LUZP2: variants seen among roughly 807,000 people sequenced by gnomAD.
The protein encoded by LUZP2 is leucine zipper protein 2.
In LUZP2, 52 loss-of-function variants were observed where a neutral mutation model predicts 51.6. That is an observed-to-expected ratio of 1.01 (90% CI 0.81 to 1.27). The LOEUF (loss-of-function observed/expected upper bound fraction) is 1.27, where lower values mean the gene tolerates loss of function less well. Among genes scored for constraint, LUZP2 ranks in the 50% most tolerant of loss-of-function variants. The probability of loss-of-function intolerance (pLI) is 0.00; values close to 1 mark genes in which losing one functional copy is unlikely to be tolerated. For missense variants in LUZP2, 436 were observed against 395.4 expected, an observed-to-expected ratio of 1.10 and a Z score of -0.87; for synonymous variants, 154 against 137.3, an observed-to-expected ratio of 1.12 and a Z score of -0.85.
chr11:24,840,160 G>A (rs59377378), intron 5 of LUZP2, among the ~76,000 whole-genome samples: 2 of 151,732 alleles, frequency 1.3e-5, no homozygotes, highest in African/African-American at 4.8e-5. Context: ...TCTGTAGACT[G>A]TATGCTTACT....
intron 1 of LUZP2, among the ~76,000 whole-genome samples, chr11:24,531,163 G>A (rs1412017415): frequency 2.0e-5 from 3 of 150,110 alleles, no homozygotes; most frequent in East Asian, 3.9e-4. Flanking sequence ...AAAATGAAGG[G>A]CAACATTCAC....
At chr11:24,621,568 TTC>T (rs1396547038) in intron 1 of LUZP2, among the ~76,000 whole-genome samples, 1 of 152,218 alleles carries the variant, frequency 6.6e-6, no homozygotes, top group Non-Finnish European at 1.5e-5. Context: ...AATTCCTAAA[TTC>T]TCTCTGTCAT....
At chr11:25,003,462 G>T (rs1856750542) in intron 9 of LUZP2, among the ~76,000 whole-genome samples, 1 of 152,084 alleles carries the variant, frequency 6.6e-6, no homozygotes, top group Non-Finnish European at 1.5e-5. Context: ...TATAGGGGTG[G>T]GTATAACTGG....
chr11:24,819,103 G>C (rs887481091), intron 5 of LUZP2, among the ~76,000 whole-genome samples: 1 of 151,996 alleles, frequency 6.6e-6, no homozygotes, highest in Non-Finnish European at 1.5e-5. Flanking sequence ...AGGAGTTGGC[G>C]ACTCTGAGAA....
At chr11:24,751,080 CTCA>C (rs2134008685) in intron 4 of LUZP2, among the ~76,000 whole-genome samples, 1 of 152,164 alleles carries the variant, frequency 6.6e-6, no homozygotes, top group South Asian at 2.1e-4. Context: ...TTCTTTTTGA[CTCA>C]TCATCATCAG....
In LUZP2 at chr11:24,581,907, C is replaced by T. The variant is rs139941322; in HGVS notation, c.62+84602C>T. 1.4e-4 allele frequency among the ~76,000 whole-genome samples: 21 copies of T among 152,132 alleles called. No homozygotes were observed. The East Asian group carries it at 3.9e-3, about 28-fold the overall frequency. The stretch of plus-strand genomic sequence containing the variant: ...TCACGTTCCCTGATAGTCATCAGGT[C>T]ACTGATGGAGCAAATACTTGGGCTT... On this transcript the variant is annotated intron_variant, in intron 1 of 11. Coordinates refer to ENST00000336930, the MANE Select transcript of LUZP2 (RefSeq NM_001009909.4).
At chr11:24,802,651 C>G (rs1241211413) in intron 5 of LUZP2, among the ~76,000 whole-genome samples, 1 of 151,856 alleles carries the variant, frequency 6.6e-6, no homozygotes, top group Non-Finnish European at 1.5e-5. Context: ...CAGTTACTCC[C>G]CATTCCCCAT....
chr11:24,866,447 G>C (rs962184082), intron 5 of LUZP2, among the ~76,000 whole-genome samples: 2 of 152,064 alleles, frequency 1.3e-5, no homozygotes, highest in Non-Finnish European at 2.9e-5. Context: ...TTTTCTAAGG[G>C]GAAACTGCTC....
intron 7 of LUZP2, among the ~76,000 whole-genome samples, chr11:24,919,785 A>G (rs1056154375): frequency 6.6e-6 from 1 of 150,878 alleles, no homozygotes; most frequent in Non-Finnish European, 1.5e-5. Flanking sequence ...AAATTATTTT[A>G]AAATATTAAT....
intron 5 of LUZP2, among the ~76,000 whole-genome samples, chr11:24,889,630 G>C (rs1407075882): frequency 6.6e-6 from 1 of 152,212 alleles, no homozygotes; most frequent in Non-Finnish European, 1.5e-5. Flanking sequence ...AAGAATCTCA[G>C]TATGGTCTTT....
At chr11:24,596,060 A>G (rs1183437233) in intron 1 of LUZP2, among the ~76,000 whole-genome samples, 2 of 152,196 alleles carry the variant, frequency 1.3e-5, no homozygotes, top group Non-Finnish European at 2.9e-5. Context: ...TTCATGGAGA[A>G]TTTTTAAACT....
intron 9 of LUZP2, among the ~76,000 whole-genome samples, chr11:25,004,501 G>T (rs565906784): frequency 8.5e-5 from 13 of 152,172 alleles, no homozygotes; most frequent in African/African-American, 2.6e-4. Flanking sequence ...ATTTTGTTCA[G>T]GGCCCAGGGC....
At chr11:25,061,805 T>C (rs1858846228) in intron 10 of LUZP2, among the ~76,000 whole-genome samples, 1 of 152,160 alleles carries the variant, frequency 6.6e-6, no homozygotes, top group Non-Finnish European at 1.5e-5. Flanking sequence ...CTTTCCCAAG[T>C]AAAATTATAT....
chr11:24,759,573 C>G (rs530134503), intron 4 of LUZP2, among the ~76,000 whole-genome samples: 1 of 151,966 alleles, frequency 6.6e-6, no homozygotes, highest in East Asian at 1.9e-4. Flanking sequence ...ATGAACAATG[C>G]GTGCAGTATC....
chr11:24,962,813 G>T (rs558425954), intron 7 of LUZP2, among the ~76,000 whole-genome samples: 1 of 152,220 alleles, frequency 6.6e-6, no homozygotes, highest in Non-Finnish European at 1.5e-5. Flanking sequence ...GAGGAACTGC[G>T]TTCCTTTGGA....
intron 9 of LUZP2, among the ~76,000 whole-genome samples, chr11:24,985,597 G>A (rs941722024): frequency 3.3e-5 from 5 of 151,642 alleles, no homozygotes; most frequent in Non-Finnish European, 7.4e-5. Context: ...ATGTTATTGA[G>A]TCATAATAAT....
intron 5 of LUZP2, among the ~76,000 whole-genome samples, chr11:24,866,642 A>C (rs1054525968): frequency 6.6e-6 from 1 of 152,188 alleles, no homozygotes; most frequent in East Asian, 1.9e-4. Context: ...ACAGAACACA[A>C]AAAAAACTGC....
At chr11:25,040,343 A>ATATTTTTTTTTT (rs1858011664) in intron 9 of LUZP2, among the ~76,000 whole-genome samples, 1 of 98,828 alleles carries the variant, frequency 1.0e-5, no homozygotes, top group Non-Finnish European at 1.8e-5. Context: ...TTTCTTTCCG[A>ATATTTTTTTTTT]TTTTTTTTTT....
intron 1 of LUZP2, among the ~76,000 whole-genome samples, chr11:24,689,481 C>T (rs1350719134): frequency 2.0e-5 from 3 of 152,138 alleles, no homozygotes; most frequent in East Asian, 1.9e-4. Flanking sequence ...AGCGGCTGAT[C>T]GCCAGCTCCA....
Sources: allele counts gnomAD v4.1 joint callset (sites outside exome capture counted in the v4.1 genomes callset), GRCh38; gene constraint gnomAD v4.1.1; transcripts MANE v1.5; gene names NCBI Gene and HGNC (gene_info 2026-07-23, HGNC 2026-07-21).